Variants in ZNF726 observed in about 807,000 individuals in gnomAD.
The protein encoded by ZNF726 is zinc finger protein 92 pseudogene 3.
ZNF726 carries 15 observed loss-of-function variants against 11.6 expected under a neutral mutation model. The ratio of observed to expected loss-of-function variants is 1.29; its 90% CI spans 0.86 to 1.99. The LOEUF is 1.99. Ranked by LOEUF, ZNF726 falls within the 30% of genes most tolerant of loss-of-function variation. The probability of loss-of-function intolerance (pLI) is 0.00; values close to 1 mark genes in which losing one functional copy is unlikely to be tolerated. For synonymous variants in ZNF726, 295 were observed against 243.6 expected, an observed-to-expected ratio of 1.21 and a Z score of -1.96; for missense variants, 890 against 725.6, an observed-to-expected ratio of 1.23 and a Z score of -2.60.
At chr19:23,932,290 C>T in intron 3 of ZNF726, 53 bp from the exon 4 acceptor site, 2 of 1,207,244 alleles carry the variant, frequency 1.7e-6, no homozygotes, top group Non-Finnish European at 2.1e-6. Context: ...GATTTTTAAA[C>T]TATATTTATG....
rs749468383 is a variant in ZNF726, at chr19:23,914,951, C to A, written c.-44C>A. 4 of 1,612,874 alleles carry A rather than the reference C, an allele frequency of 2.5e-6. No individual in the cohort carries two copies. Among genetic ancestry groups the A allele is most frequent in the Non-Finnish European group, 3.4e-6 (4 of 1,179,878 alleles). The stretch of plus-strand genomic sequence containing the variant: ...ACTCTGTGTCTTCTGCTTTTAGGGG[C>A]GCAGCCTCTGTGGCCCTGTGACCTG... On this transcript the variant is annotated 5_prime_UTR_variant, in exon 1 of 4. Coordinates refer to ENST00000594466, the MANE Select transcript of ZNF726 (RefSeq NM_001244038.2).
At chr19:23,935,660 T>A (rs1968218181), downstream of ZNF726, 1 of 300,110 alleles carries the variant, frequency 3.3e-6, no homozygotes, top group Non-Finnish European at 6.5e-6. Flanking sequence ...TAAATGATTG[T>A]TGCACTTCAT....
downstream of ZNF726, among the ~76,000 whole-genome samples, chr19:23,938,700 C>G (rs1968288589): frequency 6.9e-6 from 1 of 144,894 alleles, no homozygotes; most frequent in African/African-American, 2.6e-5. Flanking sequence ...CTCTGCCTTT[C>G]AGGTTCAAGC....
At chr19:23,924,664 G>A (rs539349536) in intron 3 of ZNF726, among the ~76,000 whole-genome samples, 2 of 152,260 alleles carry the variant, frequency 1.3e-5, no homozygotes, top group East Asian at 3.9e-4. Flanking sequence ...GGGACAGGAG[G>A]TTTGCTTGAG....
At chr19:23,938,611 C>CT (rs35605431), downstream of ZNF726, among the ~76,000 whole-genome samples, 1,056 of 129,318 alleles carry the variant, frequency 8.2e-3, 4 homozygotes, top group East Asian at 0.013. Context: ...TTTTTTTTTC[C>CT]TTTTTTTTTT....
intron 3 of ZNF726, chr19:23,923,559 C>T (rs572088275): frequency 6.8e-4 from 126 of 186,414 alleles, no homozygotes; most frequent in Middle Eastern, 5.1e-3. Context: ...CTATAGGTGC[C>T]GACACCGCGC....
intron 3 of ZNF726, among the ~76,000 whole-genome samples, chr19:23,941,917 G>T (rs1047521817): frequency 4.6e-5 from 7 of 151,794 alleles, no homozygotes; most frequent in African/African-American, 9.7e-5. Context: ...CTTTTCTAAG[G>T]AGTAGCTCTT....
At position 23,914,980 on chromosome 19, in the gene ZNF726, C is replaced by T; in HGVS notation, c.-15C>T. ...GCCTCTGTGGCCCTGTGACCTGCCC[C>T]CTGGAAGCCTAGAAATGGTGAGAGT... On this transcript the variant is annotated 5_prime_UTR_variant, in exon 1 of 4. Coordinates refer to ENST00000594466, the MANE Select transcript of ZNF726 (RefSeq NM_001244038.2). 6.2e-7 allele frequency: 1 copy of T among 1,613,674 alleles called. No individual in the cohort carries two copies. Among genetic ancestry groups the T allele is most frequent in the African/African-American group, 1.3e-5 (1 of 75,036 alleles).
chr19:23,934,011 T>G lies in ZNF726; in HGVS notation c.*44T>G, dbSNP rs771416088. The G allele has an allele frequency of 5.8e-6, 9 of 1,558,368 alleles. No individual in the cohort carries two copies. Among genetic ancestry groups the G allele is most frequent in the Non-Finnish European group, 7.9e-6 (9 of 1,143,370 alleles). On this transcript the variant is annotated 3_prime_UTR_variant, in exon 4 of 4. Transcript: ENST00000594466. The stretch of plus-strand genomic sequence containing the variant: ...TAAAGAATGTGGCAAAGCATTTATA[T>G]GGTCCTCAACGCTAAACATAAGAGG...
At chr19:23,915,620 G>T (rs527669605) in intron 1 of ZNF726, among the ~76,000 whole-genome samples, 6 of 151,698 alleles carry the variant, frequency 4.0e-5, no homozygotes, top group Non-Finnish European at 5.9e-5. Context: ...AGTCTCTGTT[G>T]CCCAGGCTGA....
intron 3 of ZNF726, among the ~76,000 whole-genome samples, 178 bp from the exon 4 acceptor site, chr19:23,932,165 A>G (rs1968120062): frequency 6.6e-6 from 1 of 152,120 alleles, no homozygotes; most frequent in African/African-American, 2.4e-5. Context: ...CATTTCCCAC[A>G]GATGTATTTT....
chr19:23,944,312 A>G (rs1007685181), intron 4 of ZNF726: 2 of 152,198 alleles, frequency 1.3e-5, no homozygotes, highest in Non-Finnish European at 1.5e-5. Flanking sequence ...CATGCAATAA[A>G]CATTCAAGTA....
Position 23,933,541 on chromosome 19 carries a change from C to A in ZNF726, c.1425C>A (p.His475Gln). 1 of 1,612,120 alleles carries A rather than the reference C, an allele frequency of 6.2e-7. No homozygotes were observed. Among genetic ancestry groups the A allele is most frequent in the Non-Finnish European group, 8.5e-7 (1 of 1,179,796 alleles). Residue 475 changes from histidine to glutamine, a missense_variant, in exon 4 of 4, where the codon CAC (histidine) becomes CAA (glutamine). By Grantham distance (24) the His-to-Gln change is conservative (BLOSUM62 0). Coordinates refer to ENST00000594466, the MANE Select transcript of ZNF726 (RefSeq NM_001244038.2). ...SSALTTHKRMHTGEKPYKCEE... is the reference protein window; with the variant it reads ...SSALTTHKRMQTGEKPYKCEE... ...CCCTAACTACACATAAGAGGATGCACACTGGAGAGAAACCCTACAAATGTG... is the reference window on the plus strand; with the variant it reads ...CCCTAACTACACATAAGAGGATGCAAACTGGAGAGAAACCCTACAAATGTG...
chr19:23,927,511 A>G (rs1011344996), intron 3 of ZNF726, among the ~76,000 whole-genome samples: 3 of 152,030 alleles, frequency 2.0e-5, no homozygotes, highest in African/African-American at 7.2e-5. Context: ...TTTTGTTTGT[A>G]TACAGGATCT....
chr19:23,940,210 A>C (rs1968316433), intron 3 of ZNF726, among the ~76,000 whole-genome samples: 1 of 152,120 alleles, frequency 6.6e-6, no homozygotes, highest in Non-Finnish European at 1.5e-5. Flanking sequence ...AGAAATGAGG[A>C]TCCAGTTTCA....
At chr19:23,924,816 T>C (rs573315230) in intron 3 of ZNF726, among the ~76,000 whole-genome samples, 1 of 152,162 alleles carries the variant, frequency 6.6e-6, no homozygotes, top group East Asian at 1.9e-4. Flanking sequence ...TACTTGACGC[T>C]GGGAGTGTGA....
At chr19:23,942,556 GT>G (rs1206557842) in intron 3 of ZNF726, among the ~76,000 whole-genome samples, 1 of 152,130 alleles carries the variant, frequency 6.6e-6, no homozygotes, top group African/African-American at 2.4e-5. Flanking sequence ...TGTCAGTGGA[GT>G]ATTGAAGTCC....
Position 23,933,989 on chromosome 19 carries a change from A to G in ZNF726, c.*22A>G. On this transcript the variant is annotated 3_prime_UTR_variant, in exon 4 of 4. Coordinates refer to ENST00000594466, the MANE Select transcript of ZNF726 (RefSeq NM_001244038.2). ...TTGAGAGAAACCTTAAAAAGGGTAA[A>G]GAATGTGGCAAAGCATTTATATGGT... The G allele has an allele frequency of 6.4e-7, 1 of 1,572,376 alleles. No individual in the cohort carries two copies. The highest frequency in any genetic ancestry group is 8.6e-7 in the Non-Finnish European group (1 of 1,156,766).
At chr19:23,944,490 C>A (rs1425827140) in intron 4 of ZNF726, 2 of 152,768 alleles carry the variant, frequency 1.3e-5, no homozygotes, top group Non-Finnish European at 2.9e-5. Context: ...ATGTTATTTG[C>A]CCATTTTTCA....
Sources: gnomAD v4.1 joint callset for allele counts (sites outside exome capture counted in the v4.1 genomes callset) on GRCh38, gnomAD v4.1.1 for gene constraint, MANE v1.5 for transcripts, NCBI Gene and HGNC (gene_info 2026-07-23, HGNC 2026-07-21) for gene names.